GSE1: variants seen among roughly 807,000 people sequenced by gnomAD.
GSE1 encodes genetic suppressor element 1.
GSE1 carries 32 observed loss-of-function variants against 112.6 expected under a neutral mutation model. The observed-to-expected ratio is 0.28, with a 90% confidence interval of 0.21 to 0.38. GSE1 has a LOEUF of 0.38. Ranked by LOEUF, GSE1 falls within the 10% of genes least tolerant of loss-of-function variation. The probability of loss-of-function intolerance (pLI) is 1.00; values close to 1 mark genes in which losing one functional copy is unlikely to be tolerated. For missense variants in GSE1, 2,348 were observed against 1,699.2 expected, an observed-to-expected ratio of 1.38 and a Z score of -6.71; for synonymous variants, 1,115 against 735.6, an observed-to-expected ratio of 1.52 and a Z score of -8.35.
At chr16:85,251,336 G>A (rs1042113075) in intron 1 of GSE1, among the ~76,000 whole-genome samples, 1 of 152,214 alleles carries the variant, frequency 6.6e-6, no homozygotes, top group Non-Finnish European at 1.5e-5. Context: ...CTCCACCACC[G>A]TGTCCCAGCA....
intron 1 of GSE1, among the ~76,000 whole-genome samples, chr16:85,620,234 G>A (rs909345198): frequency 2.6e-5 from 4 of 152,210 alleles, no homozygotes; most frequent in Admixed American, 2.0e-4. Flanking sequence ...TGCCTGCAAT[G>A]AGCTGTGATC....
At chr16:85,192,796 A>G (rs966024942) in intron 1 of GSE1, among the ~76,000 whole-genome samples, 43 of 152,194 alleles carry the variant, frequency 2.8e-4, no homozygotes, top group African/African-American at 9.7e-4. Context: ...GGAAGGGACT[A>G]AGGCAGAAGG....
chr16:85,520,688 G>T (rs915137515), intron 2 of GSE1, among the ~76,000 whole-genome samples: 1 of 152,122 alleles, frequency 6.6e-6, no homozygotes, highest in Non-Finnish European at 1.5e-5. Context: ...CTCCCAAAAT[G>T]CTGGGATTAC....
At chr16:85,210,580 C>A (rs991796710) in intron 1 of GSE1, among the ~76,000 whole-genome samples, 2 of 151,934 alleles carry the variant, frequency 1.3e-5, no homozygotes, top group African/African-American at 4.8e-5. Context: ...CAGAGTGAGA[C>A]CTTGTCTTAA....
At position 85,279,382 on chromosome 16, in the gene GSE1, G is replaced by A. The variant is rs114560928; in HGVS notation, c.2284-78081G>A. ...CAGTACTCTGGGAGGCCAAGGCAGC[G>A]GATCACTTGAGCCCAGGAGTCTGAG... On this transcript the variant is annotated intron_variant, in intron 1 of 2. Coordinates refer to the GSE1 transcript ENST00000637419. 1.1e-3 allele frequency among the ~76,000 whole-genome samples: 160 copies of A among 152,316 alleles called. 2 individuals carry two copies. Among genetic ancestry groups the A allele is most frequent in the African/African-American group, 3.5e-3 (145 of 41,568 alleles).
chr16:85,490,862 A>G (rs1266131546), intron 2 of GSE1: 1 of 152,278 alleles, frequency 6.6e-6, no homozygotes, highest in Non-Finnish European at 1.5e-5. Context: ...CAGTAAATCA[A>G]TTTGAATTGA....
Position 85,207,194 on chromosome 16 carries a change from C to T in GSE1, c.2283+35387C>T, listed in dbSNP as rs192080088. On this transcript the variant is annotated intron_variant, in intron 1 of 2. Transcript: ENST00000637419. ...TGTGGAGCCGAATCTGGGACCCCCC[C>T]GTCCTCCCAAGGGCACTGCTCCCCA... Among the ~76,000 whole-genome samples, 576 of 152,310 alleles carry T rather than the reference C, an allele frequency of 3.8e-3. 2 individuals are homozygous for T. Among genetic ancestry groups the T allele is most frequent in the African/African-American group, 0.013 (552 of 41,566 alleles).
intron 1 of GSE1, among the ~76,000 whole-genome samples, chr16:85,598,141 T>C (rs1015265597): frequency 2.0e-5 from 3 of 151,572 alleles, no homozygotes; most frequent in African/African-American, 2.4e-5. Context: ...CTCTCTCTCT[T>C]TCTCTCCCAG....
intron 1 of GSE1, 124 bp downstream of exon 1, chr16:85,613,522 T>C: frequency 1.1e-6 from 1 of 883,282 alleles, no homozygotes; most frequent in Non-Finnish European, 1.7e-6. Flanking sequence ...TTCCCCGGAG[T>C]GTTAGCGGCG....
At chr16:85,299,435 G>C (rs2045456137) in intron 1 of GSE1, among the ~76,000 whole-genome samples, 1 of 152,182 alleles carries the variant, frequency 6.6e-6, no homozygotes, top group African/African-American at 2.4e-5. Context: ...GGCCACAGGG[G>C]AATCCAGGGA....
intron 1 of GSE1, among the ~76,000 whole-genome samples, chr16:85,627,367 T>C (rs1598436464): frequency 6.6e-6 from 1 of 152,164 alleles, no homozygotes; most frequent in African/African-American, 2.4e-5. Flanking sequence ...GGGTTCTTTC[T>C]GAAAGGGTCC....
chr16:85,424,932 T>C (rs538891227), intron 2 of GSE1, among the ~76,000 whole-genome samples: 1 of 152,378 alleles, frequency 6.6e-6, no homozygotes, highest in Admixed American at 6.5e-5. Context: ...TATTTTAACA[T>C]GTGTCAGGGC....
In GSE1 at chr16:85,546,988, A is replaced by AGTGAG. The variant is rs144668887; in HGVS notation, c.2465-86925_2465-86921dup. ...GGCTGGTAAATGTGTGTCACGAGGG[A>AGTGAG]GTGAGATGAGACGGCGGGCAGGTCC... is the stretch of plus-strand genomic sequence containing the variant. On this transcript the variant is annotated intron_variant, in intron 2 of 2. Coordinates refer to the GSE1 transcript ENST00000637419. Among the ~76,000 whole-genome samples, 75 of 152,238 alleles carry AGTGAG rather than the reference A, an allele frequency of 4.9e-4. 1 individual carries two copies. In the East Asian group the frequency reaches 0.014, roughly 28 times the overall value.
chr16:85,200,738 A>G (rs1338865421), intron 1 of GSE1, among the ~76,000 whole-genome samples: 1 of 152,230 alleles, frequency 6.6e-6, no homozygotes, highest in East Asian at 1.9e-4. Flanking sequence ...TTGTCGTGCT[A>G]AGATGACGGG....
chr16:85,174,015 G>A (rs1234382096), intron 1 of GSE1, among the ~76,000 whole-genome samples: 1 of 152,206 alleles, frequency 6.6e-6, no homozygotes, highest in Non-Finnish European at 1.5e-5. Flanking sequence ...GTGGGTATCT[G>A]AGGTGGGTTT....
At chr16:85,352,851 A>G (rs1388959980) in intron 1 of GSE1, among the ~76,000 whole-genome samples, 1 of 152,178 alleles carries the variant, frequency 6.6e-6, no homozygotes, top group Non-Finnish European at 1.5e-5. Context: ...ACTCCCAACA[A>G]GAGTCATGGT....
At chr16:85,668,014 A>G (rs1204225992) in intron 13 of GSE1, 126 bp from the exon 14 acceptor site, 6 of 716,344 alleles carry the variant, frequency 8.4e-6, no homozygotes, top group African/African-American at 5.3e-5. Flanking sequence ...ACGCGATGTC[A>G]TCTTGGTCCC....
chr16:85,485,752 C>T (rs1597914381), intron 2 of GSE1, among the ~76,000 whole-genome samples: 1 of 152,336 alleles, frequency 6.6e-6, no homozygotes, highest in East Asian at 1.9e-4. Context: ...GGCCGCCTCG[C>T]TCCTGGGGAG....
intron 1 of GSE1, among the ~76,000 whole-genome samples, chr16:85,584,778 C>G (rs373283097): frequency 6.6e-6 from 1 of 152,214 alleles, no homozygotes; most frequent in South Asian, 2.1e-4. Flanking sequence ...TGGCTTCCCT[C>G]TGGCCGGAAA....
Sources: allele counts gnomAD v4.1 joint callset (sites outside exome capture counted in the v4.1 genomes callset), GRCh38; gene constraint gnomAD v4.1.1; transcripts MANE v1.5; gene names NCBI Gene and HGNC (gene_info 2026-07-23, HGNC 2026-07-21).